Variants in ARHGAP20 observed in about 807,000 individuals in gnomAD.
The protein encoded by ARHGAP20 is rho GTPase-activating protein 20.
ARHGAP20 carries 34 observed loss-of-function variants against 73.7 expected under a neutral mutation model. The ratio of observed to expected loss-of-function variants is 0.46; its 90% CI spans 0.35 to 0.61. ARHGAP20 has a LOEUF of 0.61. Ranked by LOEUF, ARHGAP20 falls within the 20% of genes least tolerant of loss-of-function variation. The pLI is 0.00. For missense variants in ARHGAP20, 1,314 were observed against 1,420.9 expected, an observed-to-expected ratio of 0.92 and a Z score of 1.21; for synonymous variants, 523 against 518.2, an observed-to-expected ratio of 1.01 and a Z score of -0.13.
rs150925833 is a variant in ARHGAP20, at chr11:110,608,276, C to T, written c.775+708G>A. 4.3e-3 allele frequency among the ~76,000 whole-genome samples: 652 copies of T among 152,222 alleles called. 2 individuals carry two copies. Among genetic ancestry groups the T allele is most frequent in the African/African-American group, 0.015 (618 of 41,562 alleles). ...ATCATCTCAAGATCTGGTAAAGATA[C>T]TGTCCTTTATTTTAATTGTTCTATT... On this transcript the variant is annotated intron_variant, in intron 8 of 14. Coordinates refer to ENST00000683387, the MANE Select transcript of ARHGAP20 (RefSeq NM_001384657.1).
intron 1 of ARHGAP20, among the ~76,000 whole-genome samples, chr11:110,700,562 T>C (rs1359927995): frequency 6.7e-6 from 1 of 150,038 alleles, no homozygotes; most frequent in Non-Finnish European, 1.5e-5. Context: ...AAAAAGATAA[T>C]TACTTTTTTT....
intron 2 of ARHGAP20, among the ~76,000 whole-genome samples, chr11:110,662,099 G>A (rs1949626422): frequency 6.6e-6 from 1 of 151,660 alleles, no homozygotes; most frequent in Non-Finnish European, 1.5e-5. Flanking sequence ...TGAAAAAATA[G>A]GGTGGAAAAG....
intron 2 of ARHGAP20, among the ~76,000 whole-genome samples, chr11:110,632,566 A>G (rs1447836656): frequency 3.9e-5 from 6 of 151,988 alleles, no homozygotes; most frequent in African/African-American, 1.4e-4. Context: ...CACCACGCCC[A>G]ACTAATTTTT....
At position 110,606,727 on chromosome 11, in the gene ARHGAP20, A is replaced by G; in HGVS notation, c.798T>C (p.Ile266=). ...PLIGHEYPYG[I]KMSHLRDSAL... ...CAGAGTCTCGAAGATGGCTCATTTTAATTCCATATGGATATTCATGCCCTA... is the reference window on the plus strand; with the variant it reads ...CAGAGTCTCGAAGATGGCTCATTTTGATTCCATATGGATATTCATGCCCTA... Residue 266 remains isoleucine, a synonymous_variant, in exon 9 of 15, where the codon ATT becomes ATC. Transcript: ENST00000683387. The G allele has an allele frequency of 6.4e-7, 1 of 1,567,570 alleles. No individual in the cohort carries two copies. The highest frequency in any genetic ancestry group is 8.6e-7 in the Non-Finnish European group (1 of 1,160,442).
At chr11:110,661,594 T>C (rs45606731) in intron 2 of ARHGAP20, among the ~76,000 whole-genome samples, 28 of 152,138 alleles carry the variant, frequency 1.8e-4, no homozygotes, top group Non-Finnish European at 1.0e-4. Context: ...TATACTGCAC[T>C]GATGAATTCT....
chr11:110,658,782 T>C (rs546460108), intron 2 of ARHGAP20, among the ~76,000 whole-genome samples: 1 of 151,888 alleles, frequency 6.6e-6, no homozygotes, highest in Non-Finnish European at 1.5e-5. Flanking sequence ...TGTTATTTAT[T>C]GTTTTGTTTT....
At chr11:110,711,660 T>G in intron 1 of ARHGAP20, 1 of 1,467,118 alleles carries the variant, frequency 6.8e-7, no homozygotes, top group Non-Finnish European at 9.0e-7. Context: ...CTGCCTACCT[T>G]CTTCAGCGCC....
At chr11:110,683,927 G>A (rs1416337076) in intron 2 of ARHGAP20, among the ~76,000 whole-genome samples, 2 of 152,152 alleles carry the variant, frequency 1.3e-5, no homozygotes, top group Non-Finnish European at 2.9e-5. Flanking sequence ...CCCTTATGAA[G>A]AGAATTAGCT....
chr11:110,584,996 AAT>A (rs1555082444), intron 12 of ARHGAP20, among the ~76,000 whole-genome samples: 25 of 107,732 alleles, frequency 2.3e-4, no homozygotes, highest in Non-Finnish European at 4.3e-4. Flanking sequence ...AATATATATG[AAT>A]ATATGAATAT....
At chr11:110,598,972 C>T (rs1055321861) in intron 9 of ARHGAP20, among the ~76,000 whole-genome samples, 1 of 152,050 alleles carries the variant, frequency 6.6e-6, no homozygotes, top group African/African-American at 2.4e-5. Context: ...AGGTAGGAGC[C>T]TTGCCCTCCC....
chr11:110,630,551 G>A (rs2134956792), intron 3 of ARHGAP20, 77 bp downstream of exon 3: 1 of 1,389,962 alleles, frequency 7.2e-7, no homozygotes, highest in Admixed American at 2.0e-5. Flanking sequence ...CTTACAGTAA[G>A]CATTGAGTAG....
At chr11:110,597,181 C>G (rs1310769471) in intron 9 of ARHGAP20, among the ~76,000 whole-genome samples, 2 of 151,320 alleles carry the variant, frequency 1.3e-5, no homozygotes, top group East Asian at 3.9e-4. Flanking sequence ...GGAAATATAC[C>G]TAATGCTAAA....
chr11:110,665,096 G>A (rs1275462128), intron 2 of ARHGAP20, among the ~76,000 whole-genome samples: 1 of 151,882 alleles, frequency 6.6e-6, no homozygotes, highest in Non-Finnish European at 1.5e-5. Context: ...ATAACCCATA[G>A]GTATAAAAAA....
At chr11:110,594,175 C>T (rs994305533) in intron 9 of ARHGAP20, among the ~76,000 whole-genome samples, 1 of 152,060 alleles carries the variant, frequency 6.6e-6, no homozygotes, top group Non-Finnish European at 1.5e-5. Context: ...AAGTAAGCAA[C>T]GTTTTACCAA....
intron 2 of ARHGAP20, among the ~76,000 whole-genome samples, chr11:110,651,133 G>T (rs1375021737): frequency 1.3e-5 from 2 of 152,180 alleles, no homozygotes; most frequent in African/African-American, 4.8e-5. Context: ...GCTCCTGAAT[G>T]ACTCCTGGGT....
chr11:110,658,719 C>T (rs1441650083), intron 2 of ARHGAP20, among the ~76,000 whole-genome samples: 1 of 152,104 alleles, frequency 6.6e-6, no homozygotes, highest in African/African-American at 2.4e-5. Flanking sequence ...TTCATTTCTG[C>T]ACCGAGAACT....
intron 13 of ARHGAP20, 88 bp downstream of exon 13, chr11:110,583,460 T>G: frequency 1.6e-6 from 2 of 1,216,356 alleles, no homozygotes; most frequent in Non-Finnish European, 2.2e-6. Flanking sequence ...TTAAGTTATT[T>G]AAGAAATCAT....
intron 2 of ARHGAP20, among the ~76,000 whole-genome samples, chr11:110,676,376 A>G (rs1330703638): frequency 6.6e-6 from 1 of 152,150 alleles, no homozygotes; most frequent in African/African-American, 2.4e-5. Flanking sequence ...CCTCAGGGCT[A>G]GGGAGGCCTC....
chr11:110,589,664 C>T (rs1565425030), intron 11 of ARHGAP20: 1 of 985,326 alleles, frequency 1.0e-6, no homozygotes, highest in Non-Finnish European at 1.2e-6. Context: ...AGAGCATTTC[C>T]AAGAATGTGG....
Sources: gnomAD v4.1 joint callset for allele counts (sites outside exome capture counted in the v4.1 genomes callset) on GRCh38, gnomAD v4.1.1 for gene constraint, MANE v1.5 for transcripts, NCBI Gene and HGNC (gene_info 2026-07-23, HGNC 2026-07-21) for gene names.